The following LSAMP variants were observed in gnomAD, a reference collection of about 807,000 sequenced individuals.
LSAMP encodes the protein limbic system associated membrane protein, also known as limbic system-associated membrane protein.
A neutral mutation model predicts 38.6 loss-of-function variants in LSAMP; 7 were observed. That is an observed-to-expected ratio of 0.18 (90% CI 0.10 to 0.34). The LOEUF (loss-of-function observed/expected upper bound fraction) is 0.34, where lower values mean the gene tolerates loss of function less well. LSAMP is among the 10% of genes least tolerant of loss of function. LSAMP has a pLI of 1.00. For missense variants in LSAMP, 313 were observed against 420.0 expected, an observed-to-expected ratio of 0.75 and a Z score of 2.23; for synonymous variants, 154 against 166.8, an observed-to-expected ratio of 0.92 and a Z score of 0.59.
At chr3:115,914,431 C>T (rs1937202759) in intron 3 of LSAMP, among the ~76,000 whole-genome samples, 1 of 152,128 alleles carries the variant, frequency 6.6e-6, no homozygotes, top group South Asian at 2.1e-4. Flanking sequence ...AGCAAGAATC[C>T]CCCTATCGTT....
At chr3:116,231,960 G>T (rs766290598) in intron 1 of LSAMP, among the ~76,000 whole-genome samples, 5 of 152,132 alleles carry the variant, frequency 3.3e-5, no homozygotes, top group African/African-American at 4.8e-5. Context: ...TCCACAGATT[G>T]TCACACCTTG....
intron 1 of LSAMP, among the ~76,000 whole-genome samples, chr3:116,401,432 C>A (rs2048841014): frequency 6.6e-6 from 1 of 152,184 alleles, no homozygotes; most frequent in South Asian, 2.1e-4. Flanking sequence ...CAGGCACATG[C>A]CATCATGCCC....
At chr3:116,104,913 T>C (rs945127055) in intron 1 of LSAMP, among the ~76,000 whole-genome samples, 3 of 152,188 alleles carry the variant, frequency 2.0e-5, no homozygotes, top group African/African-American at 7.2e-5. Flanking sequence ...ACACACACTT[T>C]TACCTGTCAT....
At chr3:116,178,390 A>T (rs968280682) in intron 1 of LSAMP, among the ~76,000 whole-genome samples, 1 of 151,970 alleles carries the variant, frequency 6.6e-6, no homozygotes, top group Non-Finnish European at 1.5e-5. Context: ...CTGGTCTCGA[A>T]CTCCTGACCT....
intron 1 of LSAMP, among the ~76,000 whole-genome samples, chr3:116,398,528 T>C (rs1276286876): frequency 6.6e-6 from 1 of 152,174 alleles, no homozygotes; most frequent in Non-Finnish European, 1.5e-5. Context: ...TCTTATTTGT[T>C]TTGATGAAAT....
intron 3 of LSAMP, among the ~76,000 whole-genome samples, chr3:115,854,270 A>ATTTTT (rs1559851795): frequency 8.3e-6 from 1 of 119,946 alleles, no homozygotes; most frequent in African/African-American, 3.3e-5. Flanking sequence ...TATTATTATT[A>ATTTTT]TTATTATTAT....
rs1576220976 is a variant in LSAMP at position 115,921,876 on chromosome 3, C to T, written c.515-69259G>A. Among the ~76,000 whole-genome samples the T allele has an allele frequency of 2.6e-5, 4 of 152,218 alleles. 1 individual carries two copies. Among genetic ancestry groups the T allele is most frequent in the Admixed American group, 2.0e-4 (3 of 15,300 alleles). ...TGTTAGTACTTCACATAGGTCATCT[C>T]ACACTCTTCTAGCTTGCAAGGTTAT... On this transcript the variant is annotated intron_variant, in intron 3 of 6. Transcript: ENST00000490035.
At chr3:116,170,227 A>T (rs561723094) in intron 1 of LSAMP, among the ~76,000 whole-genome samples, 6 of 151,090 alleles carry the variant, frequency 4.0e-5, no homozygotes, top group African/African-American at 1.5e-4. Context: ...AAGCAAGAAA[A>T]AAGTAACGAA....
At chr3:116,154,825 A>G (rs1477780242) in intron 1 of LSAMP, among the ~76,000 whole-genome samples, 1 of 152,120 alleles carries the variant, frequency 6.6e-6, no homozygotes, top group East Asian at 1.9e-4. Context: ...AAAACCTTAG[A>G]GCTTTTATTC....
At chr3:116,005,128 A>G (rs1940119043) in intron 3 of LSAMP, among the ~76,000 whole-genome samples, 2 of 152,148 alleles carry the variant, frequency 1.3e-5, no homozygotes, top group Non-Finnish European at 2.9e-5. Flanking sequence ...CTGAATATTC[A>G]TTACGGTTTG....
chr3:116,217,041 G>A (rs976993443), intron 1 of LSAMP, among the ~76,000 whole-genome samples: 1 of 152,056 alleles, frequency 6.6e-6, no homozygotes, highest in South Asian at 2.1e-4. Context: ...TATCACAATC[G>A]GGAAGCTTTC....
chr3:116,421,835 C>A (rs2049132514), intron 1 of LSAMP, among the ~76,000 whole-genome samples: 1 of 152,054 alleles, frequency 6.6e-6, no homozygotes, highest in Non-Finnish European at 1.5e-5. Flanking sequence ...CTGGTGGGAA[C>A]CTAAAATGGT....
intron 1 of LSAMP, among the ~76,000 whole-genome samples, chr3:116,194,993 G>C (rs1710849605): frequency 6.6e-6 from 1 of 152,146 alleles, no homozygotes; most frequent in Admixed American, 6.5e-5. Context: ...CAGCAGACTG[G>C]TACAGGCTGT....
intron 1 of LSAMP, among the ~76,000 whole-genome samples, chr3:116,120,682 C>T (rs1359606006): frequency 1.3e-5 from 2 of 152,178 alleles, no homozygotes; most frequent in East Asian, 3.8e-4. Context: ...GGTCCATAAC[C>T]TGCTTTGATT....
intron 3 of LSAMP, among the ~76,000 whole-genome samples, chr3:115,875,487 T>C (rs575438728): frequency 2.6e-5 from 4 of 152,200 alleles, no homozygotes; most frequent in African/African-American, 9.6e-5. Context: ...TACAATATTA[T>C]CCCAAATATC....
At chr3:116,169,549 C>A (rs527582392) in intron 1 of LSAMP, among the ~76,000 whole-genome samples, 24 of 152,300 alleles carry the variant, frequency 1.6e-4, no homozygotes, top group African/African-American at 5.8e-4. Flanking sequence ...CAATACACAG[C>A]CCTACGACTG....
chr3:116,041,796 C>CAAAAAAAAAAAAAA (rs148805855), intron 2 of LSAMP, among the ~76,000 whole-genome samples: 1 of 57,076 alleles, frequency 1.8e-5, no homozygotes, highest in African/African-American at 4.5e-5. Flanking sequence ...TGAAAGCATG[C>CAAAAAAAAAAAAAA]AAAAAAAAAC....
At chr3:115,818,822 A>ATATATATATATATATATATATATATATCT (rs55828725) in intron 6 of LSAMP, among the ~76,000 whole-genome samples, 1 of 125,234 alleles carries the variant, frequency 8.0e-6, no homozygotes, top group African/African-American at 2.8e-5. Context: ...ATATATATAT[A>ATATATATATATATATATATATATATATCT]ACTGCAGCAA....
At chr3:116,318,833 G>A (rs924282521) in intron 1 of LSAMP, among the ~76,000 whole-genome samples, 30 of 152,310 alleles carry the variant, frequency 2.0e-4, no homozygotes, top group African/African-American at 7.0e-4. Context: ...CCATTTGACA[G>A]AGAGAATTAA....
Sources: allele counts gnomAD v4.1 joint callset (sites outside exome capture counted in the v4.1 genomes callset), GRCh38; gene constraint gnomAD v4.1.1; transcripts MANE v1.5; gene names NCBI Gene and HGNC (gene_info 2026-07-23, HGNC 2026-07-21).